Variants in AGBL2 observed in about 807,000 individuals in gnomAD.
AGBL2 encodes AGBL carboxypeptidase 2.
AGBL2 carries 87 observed loss-of-function variants against 103.0 expected under a neutral mutation model. That is an observed-to-expected ratio of 0.84 (90% CI 0.71 to 1.01). AGBL2 has a LOEUF of 1.01. AGBL2 is among the 50% of genes least tolerant of loss of function. The pLI is 0.00. For missense variants in AGBL2, 904 were observed against 1,023.5 expected, an observed-to-expected ratio of 0.88 and a Z score of 1.59; for synonymous variants, 335 against 356.7, an observed-to-expected ratio of 0.94 and a Z score of 0.69.
chr11:47,675,537 T>C (rs2097372125), intron 14 of AGBL2, among the ~76,000 whole-genome samples: 1 of 151,794 alleles, frequency 6.6e-6, no homozygotes, highest in Non-Finnish European at 1.5e-5. Flanking sequence ...TACAGGCATG[T>C]GCCACCACAC....
Position 47,677,285 on chromosome 11 carries a change from A to T in AGBL2, c.2133T>A (p.Ser711=). 1 of 1,592,906 alleles carries T rather than the reference A, an allele frequency of 6.3e-7. No homozygotes were observed. The highest frequency in any genetic ancestry group is 1.2e-5 in the South Asian group (1 of 85,514). ...TTCTTTGTTACCTGGATTCAATGTC[A>T]GACAAAGAGATGTCACTCCAACTTC... ...LEGSWSDISL[S]DIESSTSGSD... Residue 711 remains serine (S), a synonymous_variant, in exon 14 of 19, where the codon TCT becomes TCA. Coordinates refer to ENST00000525123, the MANE Select transcript of AGBL2 (RefSeq NM_024783.4).
At chr11:47,677,147 A>G (rs557845205) in intron 14 of AGBL2, 124 bp downstream of exon 14, 2 of 776,800 alleles carry the variant, frequency 2.6e-6, no homozygotes, top group Admixed American at 3.7e-5. Flanking sequence ...GTCTGGGACT[A>G]CAGGCATAGA....
intron 8 of AGBL2, among the ~76,000 whole-genome samples, chr11:47,694,618 C>T (rs1211064758): frequency 2.0e-5 from 3 of 152,084 alleles, no homozygotes; most frequent in African/African-American, 7.2e-5. Flanking sequence ...GCAGATGGCA[C>T]CTGGAAAAAC....
At chr11:47,707,120 A>G (rs534255233) in intron 4 of AGBL2, among the ~76,000 whole-genome samples, 1 of 151,874 alleles carries the variant, frequency 6.6e-6, no homozygotes, top group South Asian at 2.1e-4. Flanking sequence ...AATTGCTTTA[A>G]CCCGGCAGGT....
In AGBL2 at chr11:47,660,203, G is replaced by GTATGCCGCCATGGCAGCACAGCC; in HGVS notation, c.2656_2678dup (p.Tyr893Ter). On this transcript the variant is annotated stop_gained and frameshift_variant, in exon 19 of 19. Coordinates refer to ENST00000525123, the MANE Select transcript of AGBL2 (RefSeq NM_024783.4). LOFTEE classifies it high-confidence loss of function. ...GGTATGTGTATATGTGCAAGGATGG[G>GTATGCCGCCATGGCAGCACAGCC]TATGCCGCCATGGCAGCACAGCCTC... 6.2e-7 allele frequency: 1 copy of GTATGCCGCCATGGCAGCACAGCC among 1,614,116 alleles called. No homozygotes were observed. Among genetic ancestry groups the GTATGCCGCCATGGCAGCACAGCC allele is most frequent in the South Asian group, 1.1e-5 (1 of 91,074 alleles).
At chr11:47,700,285 A>G (rs1018338692) in intron 7 of AGBL2, among the ~76,000 whole-genome samples, 1 of 152,084 alleles carries the variant, frequency 6.6e-6, no homozygotes, top group African/African-American at 2.4e-5. Context: ...CTGAATTTAA[A>G]AAGATTTCTT....
Position 47,692,142 on chromosome 11 carries a change from G to C in AGBL2, c.809C>G (p.Ser270Ter). 6.2e-7 allele frequency: 1 copy of C among 1,612,856 alleles called. No homozygotes were observed. Among genetic ancestry groups the C allele is most frequent in the Non-Finnish European group, 8.5e-7 (1 of 1,179,248 alleles). ...GPEDNTLLFE[S>*]RFESGNLQKA... ...TTGCAGATTCCCACTCTCAAACCTT[G>C]ATTCAAACAGTAGAGTATTATCTTC... The change falls in exon 9 of 19, where the codon TCA becomes TGA. Residue 270 changes from serine (S) to a stop codon, truncating the protein, a stop_gained. Coordinates refer to ENST00000525123, the MANE Select transcript of AGBL2 (RefSeq NM_024783.4). LOFTEE classifies it high-confidence loss of function.
chr11:47,678,136 G>A (rs1343534597), intron 13 of AGBL2, among the ~76,000 whole-genome samples: 4 of 150,874 alleles, frequency 2.7e-5, no homozygotes, highest in Non-Finnish European at 4.4e-5. Flanking sequence ...GCTAATTTTT[G>A]TATTTTTAGT....
At chr11:47,671,732 A>G (rs544189598) in intron 14 of AGBL2, among the ~76,000 whole-genome samples, 52 of 152,250 alleles carry the variant, frequency 3.4e-4, no homozygotes, top group Non-Finnish European at 6.6e-4. Context: ...CCTAATTCCC[A>G]ATTCCCTGTT....
chr11:47,704,344 G>A (rs182489367), intron 7 of AGBL2, among the ~76,000 whole-genome samples, 199 bp downstream of exon 7: 11 of 151,908 alleles, frequency 7.2e-5, no homozygotes, highest in Admixed American at 2.0e-4. Flanking sequence ...GCTGGGCGTG[G>A]TGGTGTGCGC....
intron 17 of AGBL2, chr11:47,666,472 C>T (rs2097341707): frequency 4.3e-6 from 1 of 232,426 alleles, no homozygotes. Flanking sequence ...AGTGTCTCTC[C>T]TCTGTGTTGC....
chr11:47,710,871 C>G (rs1198405500), intron 3 of AGBL2: 1 of 457,374 alleles, frequency 2.2e-6, no homozygotes, highest in Admixed American at 2.4e-5. Flanking sequence ...GTGGAGGCCA[C>G]TGCCCTCCAG....
chr11:47,682,733 A>C (rs906403545), intron 11 of AGBL2, among the ~76,000 whole-genome samples: 2 of 152,148 alleles, frequency 1.3e-5, no homozygotes, highest in African/African-American at 2.4e-5. Context: ...TGTAATATAC[A>C]CTTGGCACCT....
In AGBL2 at chr11:47,659,592, T is replaced by TG. The variant is rs1399432207; in HGVS notation, c.*580_*581insC. 2.0e-5 allele frequency: 3 copies of TG among 152,076 alleles called. No individual in the cohort carries two copies. Among genetic ancestry groups the TG allele is most frequent in the Non-Finnish European group, 4.4e-5 (3 of 68,020 alleles). 9.4% of individuals were successfully genotyped at this position (152,076 alleles called of 1,614,324 possible). On this transcript the variant is annotated 3_prime_UTR_variant, in exon 19 of 19. Transcript: ENST00000525123. ...TAACCAATCAAAGGAAACAACTGGT[T>TG]AGAGAGAAAGAATTTTAATCATCAG...
At chr11:47,694,104 G>A (rs1276702352) in intron 8 of AGBL2, among the ~76,000 whole-genome samples, 3 of 152,004 alleles carry the variant, frequency 2.0e-5, no homozygotes, top group East Asian at 1.9e-4. Context: ...ATGCTGAGGC[G>A]GCAGGATTGC....
chr11:47,667,998 C>T (rs1484267937), intron 15 of AGBL2, among the ~76,000 whole-genome samples: 2 of 152,090 alleles, frequency 1.3e-5, no homozygotes, highest in Non-Finnish European at 2.9e-5. Context: ...CACTTCAGGT[C>T]AGGAGTTTGA....
chr11:47,687,496 C>T (rs935195682), intron 10 of AGBL2, among the ~76,000 whole-genome samples: 83 of 148,240 alleles, frequency 5.6e-4, no homozygotes, highest in African/African-American at 2.0e-3. Context: ...GTGCCTGGCA[C>T]ACAGTAAATA....
intron 7 of AGBL2, among the ~76,000 whole-genome samples, chr11:47,704,103 GTAAA>G (rs562909790): frequency 2.7e-5 from 4 of 150,832 alleles, no homozygotes; most frequent in East Asian, 2.0e-4. Context: ...CTCTGTCTCA[GTAAA>G]TAAATAAATA....
intron 14 of AGBL2, among the ~76,000 whole-genome samples, chr11:47,675,023 C>T (rs888580015): frequency 2.6e-5 from 4 of 151,614 alleles, no homozygotes; most frequent in Non-Finnish European, 5.9e-5. Flanking sequence ...TGTGAGCCAC[C>T]GCGCCTGATT....
Sources: gnomAD v4.1 joint callset for allele counts (sites outside exome capture counted in the v4.1 genomes callset) on GRCh38, gnomAD v4.1.1 for gene constraint, MANE v1.5 for transcripts, NCBI Gene and HGNC (gene_info 2026-07-23, HGNC 2026-07-21) for gene names.